The following CSF1R variants were observed in gnomAD, a reference collection of about 807,000 sequenced individuals.
CSF1R encodes colony stimulating factor 1 receptor, also known as macrophage colony-stimulating factor 1 receptor.
In CSF1R, 40 loss-of-function variants were observed where a neutral mutation model predicts 110.0. That is an observed-to-expected ratio of 0.36 (90% CI 0.28 to 0.47). The LOEUF (loss-of-function observed/expected upper bound fraction) is 0.47. Among genes scored for constraint, CSF1R ranks in the 20% least tolerant of loss-of-function variants. The pLI, the probability that CSF1R is intolerant of heterozygous loss-of-function variation, is 0.99. For synonymous variants in CSF1R, 523 were observed against 503.4 expected, an observed-to-expected ratio of 1.04 and a Z score of -0.52; for missense variants, 1,052 against 1,253.0, an observed-to-expected ratio of 0.84 and a Z score of 2.42.
chr5:150,111,253 T>C (rs1034420429), intron 1 of CSF1R, among the ~76,000 whole-genome samples: 7 of 152,172 alleles, frequency 4.6e-5, no homozygotes, highest in African/African-American at 1.7e-4. Flanking sequence ...TTCCCTCTTT[T>C]TCCAGGAACA....
chr5:150,081,158 G>T, intron 1 of CSF1R, 134 bp from the exon 2 acceptor site: 1 of 968,334 alleles, frequency 1.0e-6, no homozygotes, highest in South Asian at 1.6e-5. Flanking sequence ...ACGAGCCCCT[G>T]CCCCCTGGTC....
In CSF1R at chr5:150,085,169, G is replaced by A. The variant is rs373598129; in HGVS notation, c.49+1210C>T. On this transcript the variant is annotated intron_variant, in intron 1 of 20. Coordinates refer to ENST00000675795, the MANE Select transcript of CSF1R (RefSeq NM_001288705.3). ...TGGTGTATGCCTGTAATCCCAGCTTGGGAGGCTGAGACAGGAGAAACACTT... is the reference window on the plus strand; with the variant it reads ...TGGTGTATGCCTGTAATCCCAGCTTAGGAGGCTGAGACAGGAGAAACACTT... Among the ~76,000 whole-genome samples the A allele has an allele frequency of 2.6e-5, 4 of 151,016 alleles. No homozygotes were observed. In the South Asian group the frequency reaches 8.4e-4, roughly 32 times the overall value.
rs376388107 is a variant in CSF1R at position 150,069,983 on chromosome 5, G to C, written c.1400C>G (p.Thr467Arg). ...VLSQEPFHKV[T>R]VQSLLTVETL... Reference sequence around the variant, plus strand: ...CTCAACAGTCAGCAGGCTCTGCACCGTCACCTTGTGGAAGGGCTCCTGGCT... The same window carrying C: ...CTCAACAGTCAGCAGGCTCTGCACCCTCACCTTGTGGAAGGGCTCCTGGCT... Residue 467 changes from threonine (T) to arginine (R), a missense_variant, in exon 9 of 21, where the codon ACG becomes AGG. By Grantham distance (71) the Thr-to-Arg change is moderately conservative (BLOSUM62 -1). Transcript: ENST00000675795. 3 of 1,614,016 alleles carry C rather than the reference G, an allele frequency of 1.9e-6. No individual in the cohort carries two copies. The highest frequency in any genetic ancestry group is 2.7e-5 in the African/African-American group (2 of 74,924).
At chr5:150,110,188 T>C (rs879727257) in intron 1 of CSF1R, among the ~76,000 whole-genome samples, 8 of 152,176 alleles carry the variant, frequency 5.3e-5, no homozygotes, top group Non-Finnish European at 8.8e-5. Flanking sequence ...CTCCAGCTCA[T>C]GCTCCTGCTC....
rs1190762776 is a variant in CSF1R at position 150,080,048 on chromosome 5, G to A, written c.592+4C>T. 15 of 1,611,394 alleles carry A rather than the reference G, an allele frequency of 9.3e-6. No individual in the cohort carries two copies. The highest frequency in any genetic ancestry group is 4.5e-5 in the East Asian group (2 of 44,814). On this transcript the variant is annotated splice_donor_region_variant and intron_variant, in intron 3 of 20. Transcript: ENST00000675795. ...CTGGCTGCCGGTCCCCATGCCCCAC[G>A]CACCTTTCTGCACTTTCAGCCGGAT...
In CSF1R at chr5:150,058,385, C is replaced by T. The variant is rs114065512; in HGVS notation, c.2133-793G>A. 913 of 452,982 alleles carry T rather than the reference C, an allele frequency of 2.0e-3. 5 individuals are homozygous for T. The highest frequency in any genetic ancestry group is 0.013 in the African/African-American group (661 of 50,168). The allele number at this position is 452,982 out of a possible 1,614,324, so 28.1% of individuals were successfully genotyped here. Reference sequence around the variant, plus strand: ...TTCTCTCTCCCTCCTGTCCCCTCTGCGCTAGAGATGTGTACCTTGACAATG... The same window carrying T: ...TTCTCTCTCCCTCCTGTCCCCTCTGTGCTAGAGATGTGTACCTTGACAATG... On this transcript the variant is annotated intron_variant, in intron 14 of 20. Coordinates refer to ENST00000675795, the MANE Select transcript of CSF1R (RefSeq NM_001288705.3).
At chr5:150,112,904 C>G (rs1759769467) in intron 1 of CSF1R, among the ~76,000 whole-genome samples, 1 of 152,172 alleles carries the variant, frequency 6.6e-6, no homozygotes, top group African/African-American at 2.4e-5. Context: ...CGCACCCACT[C>G]AAATGAAGAT....
chr5:150,091,473 G>A (rs1759036087), upstream of CSF1R, among the ~76,000 whole-genome samples: 2 of 152,176 alleles, frequency 1.3e-5, no homozygotes, highest in Non-Finnish European at 2.9e-5. Context: ...CACTGTGGAT[G>A]AACCTTGAAA....
At chr5:150,057,681 C>A in intron 14 of CSF1R, 89 bp from the exon 15 acceptor site, 1 of 881,820 alleles carries the variant, frequency 1.1e-6, no homozygotes, top group South Asian at 1.4e-5. Context: ...ACCCCATGGT[C>A]AACTGGAACC....
chr5:150,055,841 C>T (rs1757187849), intron 18 of CSF1R, among the ~76,000 whole-genome samples, 185 bp downstream of exon 18: 1 of 152,248 alleles, frequency 6.6e-6, no homozygotes, highest in African/African-American at 2.4e-5. Flanking sequence ...AAAGGAGCGC[C>T]TGTCAGGGGC....
chr5:150,065,966 C>A (rs981673974), intron 10 of CSF1R, among the ~76,000 whole-genome samples: 1 of 152,214 alleles, frequency 6.6e-6, no homozygotes, highest in African/African-American at 2.4e-5. Flanking sequence ...GTGGGCACTG[C>A]GAGGCAGTTT....
chr5:150,054,471 G>A, intron 19 of CSF1R, 41 bp from the exon 20 acceptor site: 2 of 1,540,570 alleles, frequency 1.3e-6, no homozygotes, highest in Non-Finnish European at 1.8e-6. Flanking sequence ...CAGCTCCCTA[G>A]GGTCCAGGGG....
chr5:150,079,521 G>A (rs1758427221), intron 3 of CSF1R, among the ~76,000 whole-genome samples: 1 of 152,194 alleles, frequency 6.6e-6, no homozygotes, highest in South Asian at 2.1e-4. Flanking sequence ...TCTTGGCTCA[G>A]CATCCCTCCT....
At chr5:150,097,116 A>T (rs1443029535) in intron 1 of CSF1R, among the ~76,000 whole-genome samples, 5 of 152,078 alleles carry the variant, frequency 3.3e-5, no homozygotes, top group African/African-American at 1.2e-4. Context: ...TTTAAAAAGA[A>T]CCTAGCATGG....
Position 150,060,946 on chromosome 5 carries a change from C to A in CSF1R, c.1885G>T (p.Ala629Ser), listed in dbSNP as rs17854478. ...ATGATCTTCAGCTCGGACATGAGGG[C>A]CTCCTTCTCATCAGCATGGGCCGTG... The part of the protein sequence containing the change: ...KSTAHADEKE[A>S]LMSELKIMSH... Residue 629 changes from alanine (A) to serine (S), a missense_variant, in exon 13 of 21, where the codon GCC (alanine) becomes TCC (serine). Physicochemically the swap from Ala to Ser is moderately conservative, Grantham distance 99 (BLOSUM62 1). Around this residue, in one of 5 missense-constraint regions of CSF1R, gnomAD observed 76 missense variants for 133.6 expected, o/e 0.57. Coordinates refer to ENST00000675795, the MANE Select transcript of CSF1R (RefSeq NM_001288705.3). 9.3e-5 allele frequency: 150 copies of A among 1,607,372 alleles called. No homozygotes were observed. The highest frequency in any genetic ancestry group is 1.7e-5 in the Non-Finnish European group (20 of 1,176,820).
chr5:150,076,952 C>A, intron 5 of CSF1R: 1 of 380,806 alleles, frequency 2.6e-6, no homozygotes, highest in South Asian at 2.4e-5. Context: ...TTCATGTTTC[C>A]ATAAAGGAAT....
intron 5 of CSF1R, among the ~76,000 whole-genome samples, chr5:150,074,472 T>C (rs1758174715): frequency 6.6e-6 from 1 of 152,122 alleles, no homozygotes; most frequent in Non-Finnish European, 1.5e-5. Context: ...CACGCCCAGC[T>C]ACTAACTAGT....
At chr5:150,068,585 AG>A (rs1375657712) in intron 9 of CSF1R, among the ~76,000 whole-genome samples, 1 of 152,126 alleles carries the variant, frequency 6.6e-6, no homozygotes, top group Non-Finnish European at 1.5e-5. Flanking sequence ...GGCTGGGGGT[AG>A]GGAGCCTCTG....
intron 1 of CSF1R, chr5:150,094,317 G>T: frequency 3.1e-6 from 5 of 1,595,924 alleles, no homozygotes; most frequent in Non-Finnish European, 4.2e-6. Context: ...GGGTGTAGAA[G>T]AGAAGAAGAA....
Sources: allele counts gnomAD v4.1 joint callset (sites outside exome capture counted in the v4.1 genomes callset), GRCh38; gene constraint gnomAD v4.1.1; regional missense constraint gnomAD v4.1.1; transcripts MANE v1.5; gene names NCBI Gene and HGNC (gene_info 2026-07-23, HGNC 2026-07-21).